The following OCLN variants were observed in gnomAD, a reference collection of about 807,000 sequenced individuals.
The protein encoded by OCLN is phosphatase 1, regulatory subunit 115.
A neutral mutation model predicts 47.9 loss-of-function variants in OCLN; 21 were observed. That is an observed-to-expected ratio of 0.44 (90% confidence interval 0.31 to 0.63). The LOEUF (loss-of-function observed/expected upper bound fraction) is 0.63, where lower values mean the gene tolerates loss of function less well. Ranked by LOEUF, OCLN falls within the 30% of genes least tolerant of loss-of-function variation. OCLN has a pLI of 0.08. For missense variants in OCLN, 360 were observed against 571.0 expected, an observed-to-expected ratio of 0.63 and a Z score of 3.77; for synonymous variants, 117 against 198.4, an observed-to-expected ratio of 0.59 and a Z score of 3.45.
chr5:69,530,331 G>T (rs890870431), intron 4 of OCLN, among the ~76,000 whole-genome samples: 1 of 152,106 alleles, frequency 6.6e-6, no homozygotes, highest in Non-Finnish European at 1.5e-5. Flanking sequence ...GGAAATACAG[G>T]TTGGGGACTC....
Position 69,509,206 on chromosome 5 carries a change from T to C in OCLN, c.116T>C (p.Leu39Pro). The part of the protein sequence containing the change: ...YGGEMHVRPM[L>P]SQPAYSFYPE... ...GGAGAGATGCATGTTCGACCAATGC[T>C]CTCTCAGCCAGCCTACTCTTTTTAC... Residue 39 changes from leucine to proline, a missense_variant, in exon 3 of 9, where the codon CTC (leucine) becomes CCC (proline). Around this residue, in one of 3 missense-constraint regions of OCLN, gnomAD observed 314 missense variants for 368.1 expected, o/e 0.85. Transcript: ENST00000396442. 1 of 1,614,126 alleles carries C rather than the reference T, an allele frequency of 6.2e-7. No homozygotes were observed. Among genetic ancestry groups the C allele is most frequent in the Non-Finnish European group, 8.5e-7 (1 of 1,179,958 alleles).
intron 4 of OCLN, among the ~76,000 whole-genome samples, chr5:69,520,210 C>T (rs774742078): frequency 2.0e-5 from 3 of 151,808 alleles, no homozygotes; most frequent in South Asian, 4.2e-4. Context: ...CTGCCTGCCT[C>T]GGCCTCCCAA....
chr5:69,514,050 A>C lies in OCLN; in HGVS notation c.832A>C (p.Asn278His). 1.2e-6 allele frequency: 2 copies of C among 1,614,146 alleles called. No individual in the cohort carries two copies. The highest frequency in any genetic ancestry group is 2.2e-5 in the East Asian group (1 of 44,878). Residue 278 changes from asparagine to histidine, a missense_variant, in exon 4 of 9, where the codon AAT (asparagine) becomes CAT (histidine). Physicochemically the swap from Asn to His is moderately conservative, Grantham distance 68. This residue lies in a region of OCLN where 314 missense variants were observed against 368.1 expected (regional missense o/e 0.85). Coordinates refer to ENST00000396442, the MANE Select transcript of OCLN (RefSeq NM_001205254.2). ...RRKMDRYDKS[N>H]ILWDKEHIYD... ...AAAGATGGACAGGTATGACAAGTCCAATATTTTGTGGGACAAGGAACACAT... is the reference window on the plus strand; with the variant it reads ...AAAGATGGACAGGTATGACAAGTCCCATATTTTGTGGGACAAGGAACACAT...
intron 3 of OCLN, 30 bp from the exon 4 acceptor site, chr5:69,513,918 A>G (rs748015810): frequency 1.3e-6 from 2 of 1,585,732 alleles, no homozygotes; most frequent in East Asian, 4.5e-5. Context: ...TTAAAATCTA[A>G]TTATGCCAAT....
In OCLN at chr5:69,515,734, C is replaced by T. The variant is rs1217595287; in HGVS notation, c.891+1625C>T. Among the ~76,000 whole-genome samples, 532 of 149,746 alleles carry T rather than the reference C, an allele frequency of 3.6e-3. 6 individuals carry two copies. The highest frequency in any genetic ancestry group is 0.012 in the African/African-American group (508 of 40,716). ...TGCCGGGCGGAGGGGCTCCTCACTT[C>T]TCATATGGGGCGGTTGCCAGGCGGA... On this transcript the variant is annotated intron_variant, in intron 4 of 8. Coordinates refer to ENST00000396442, the MANE Select transcript of OCLN (RefSeq NM_001205254.2).
chr5:69,553,903 T>G lies in OCLN; in HGVS notation c.*232T>G. The stretch of plus-strand genomic sequence containing the variant: ...ATGCTTTAAACATTGGTTCTTGTAT[T>G]AAGAATGAAATACTGTTTGAGGTTT... On this transcript the variant is annotated 3_prime_UTR_variant, in exon 9 of 9. Coordinates refer to ENST00000396442, the MANE Select transcript of OCLN (RefSeq NM_001205254.2). 1 of 514,230 alleles carries G rather than the reference T, an allele frequency of 1.9e-6. No individual in the cohort carries two copies. Among genetic ancestry groups the G allele is most frequent in the Non-Finnish European group, 3.6e-6 (1 of 278,076 alleles). The allele number at this position is 514,230 out of a possible 1,614,324, so 31.9% of individuals were successfully genotyped here.
At position 69,514,135 on chromosome 5, in the gene OCLN, T is replaced by C. The variant is rs1283342638; in HGVS notation, c.891+26T>C. 4 of 1,605,234 alleles carry C rather than the reference T, an allele frequency of 2.5e-6. No individual in the cohort carries two copies. The Admixed American group carries it at 5.0e-5, about 20-fold the overall frequency. On this transcript the variant is annotated intron_variant, in intron 4 of 8. Transcript: ENST00000396442. ...GTAAGTGTTAAAAAATAACTTTACA[T>C]CTTTTATTAAAGCCCCAAATTTGTG...
intron 7 of OCLN, among the ~76,000 whole-genome samples, chr5:69,548,407 G>C (rs1485494866): frequency 2.4e-4 from 35 of 148,902 alleles, no homozygotes; most frequent in African/African-American, 7.7e-4. Context: ...TCTGCCTCCC[G>C]GGTTCACGCC....
intron 4 of OCLN, among the ~76,000 whole-genome samples, chr5:69,529,686 C>T (rs551590570): frequency 6.6e-6 from 1 of 152,240 alleles, no homozygotes; most frequent in South Asian, 2.1e-4. Flanking sequence ...ACACTGCAAC[C>T]TCCATCTCCC....
chr5:69,529,468 TTC>T (rs1769371418), intron 4 of OCLN, among the ~76,000 whole-genome samples: 1 of 152,250 alleles, frequency 6.6e-6, no homozygotes, highest in Non-Finnish European at 1.5e-5. Flanking sequence ...CGGAAATAAA[TTC>T]TTTCTTGATT....
chr5:69,509,130 G>GTTCAT lies in OCLN; in HGVS notation c.51-6_51-2dup. ...AATGCTAACTTGAAATTATTTTCAT[G>GTTCAT]TTCATTTCAGCAAACCGAATCATTA... is the stretch of plus-strand genomic sequence containing the variant. On this transcript the variant is annotated splice_polypyrimidine_tract_variant and intron_variant, in intron 2 of 8. Transcript: ENST00000396442. 3 of 1,611,522 alleles carry GTTCAT rather than the reference G, an allele frequency of 1.9e-6. No individual in the cohort carries two copies. Among genetic ancestry groups the GTTCAT allele is most frequent in the Non-Finnish European group, 2.5e-6 (3 of 1,177,694 alleles).
At chr5:69,521,564 G>C (rs1374256152) in intron 4 of OCLN, among the ~76,000 whole-genome samples, 1 of 152,194 alleles carries the variant, frequency 6.6e-6, no homozygotes, top group East Asian at 1.9e-4. Flanking sequence ...GAGCTCAAGA[G>C]TTGAGGCTGC....
chr5:69,515,901 C>A (rs1322336604), intron 4 of OCLN, among the ~76,000 whole-genome samples: 8 of 150,520 alleles, frequency 5.3e-5, no homozygotes, highest in Non-Finnish European at 1.5e-5. Context: ...AGACGATGGG[C>A]GGCCGGGCAG....
At chr5:69,494,088 T>C (rs540468843) in intron 1 of OCLN, among the ~76,000 whole-genome samples, 197 of 152,334 alleles carry the variant, frequency 1.3e-3, no homozygotes, top group Non-Finnish European at 2.2e-3. Flanking sequence ...AAGGCACTTA[T>C]GGTGTTTTTT....
intron 4 of OCLN, among the ~76,000 whole-genome samples, chr5:69,532,460 C>T (rs1020878182): frequency 6.6e-6 from 1 of 152,196 alleles, no homozygotes; most frequent in African/African-American, 2.4e-5. Flanking sequence ...AGCTCTTTTT[C>T]ACAGAAATAT....
At chr5:69,515,591 C>CA (rs1768929615) in intron 4 of OCLN, among the ~76,000 whole-genome samples, 1 of 148,682 alleles carries the variant, frequency 6.7e-6, no homozygotes, top group African/African-American at 2.5e-5. Flanking sequence ...GGGGGCTGAC[C>CA]CCCCCACCTC....
chr5:69,528,958 A>T (rs948469305), intron 4 of OCLN, among the ~76,000 whole-genome samples: 1 of 152,260 alleles, frequency 6.6e-6, no homozygotes, highest in African/African-American at 2.4e-5. Flanking sequence ...CTATAATTGC[A>T]TATAATTTGC....
In OCLN at chr5:69,554,470, T is replaced by G. The variant is rs1230630805; in HGVS notation, c.*799T>G. 1 of 152,098 alleles carries G rather than the reference T, an allele frequency of 6.6e-6. No homozygotes were observed. The allele number at this position is 152,098 out of a possible 1,614,324, so 9.4% of individuals were successfully genotyped here. A position where few individuals can be genotyped will look rare whatever the true frequency, so the allele number is the denominator to read the frequency against. On this transcript the variant is annotated 3_prime_UTR_variant, in exon 9 of 9. Coordinates refer to ENST00000396442, the MANE Select transcript of OCLN (RefSeq NM_001205254.2). ...TTTTCATTATATCAGAATATCTGAT[T>G]ACATTTATAATTCAATTGTGACTTG...
chr5:69,515,538 ACC>A (rs1206132794), intron 4 of OCLN, among the ~76,000 whole-genome samples: 152 of 1,952 alleles, frequency 0.078, no homozygotes, highest in Middle Eastern at 0.25. Flanking sequence ...CGGGGGGCTG[ACC>A]CCCCCCCACC....
Sources: allele counts gnomAD v4.1 joint callset (sites outside exome capture counted in the v4.1 genomes callset), GRCh38; gene constraint gnomAD v4.1.1; regional missense constraint gnomAD v4.1.1; transcripts MANE v1.5; gene names NCBI Gene and HGNC (gene_info 2026-07-23, HGNC 2026-07-21).